The following TLL1 variants were observed in gnomAD, a reference collection of about 807,000 sequenced individuals.
TLL1 encodes the protein tolloid like 1.
Under a neutral mutation model 128.2 loss-of-function variants are expected in TLL1, and 49 were observed. The observed-to-expected ratio is 0.38, with a 90% CI of 0.30 to 0.48. TLL1 has a LOEUF of 0.48. Among genes scored for constraint, TLL1 ranks in the 20% least tolerant of loss-of-function variants. The pLI, the probability that TLL1 is intolerant of heterozygous loss-of-function variation, is 0.96. For synonymous variants in TLL1, 454 were observed against 418.8 expected, an observed-to-expected ratio of 1.08 and a Z score of -1.03; for missense variants, 1,123 against 1,242.0, an observed-to-expected ratio of 0.90 and a Z score of 1.44.
Position 166,043,281 on chromosome 4 carries a change from T to C in TLL1, c.1386T>C (p.Cys462=). 1 of 1,614,092 alleles carries C rather than the reference T, an allele frequency of 6.2e-7. No individual in the cohort carries two copies. The highest frequency in any genetic ancestry group is 8.5e-7 in the Non-Finnish European group (1 of 1,179,972). Residue 462 remains cysteine (C), a synonymous_variant, in exon 12 of 21, where the codon TGT becomes TGC. Transcript: ENST00000061240. ...TTTTTTGGCTTTCTTCAGCGATCTGTGGAGGTGAGATACGTAAAAATGAAG... is the reference window on the plus strand; with the variant it reads ...TTTTTTGGCTTTCTTCAGCGATCTGCGGAGGTGAGATACGTAAAAATGAAG... ...KGFAAVYEAI[C]GGEIRKNEGQ... is the part of the protein sequence containing the mutation.
intron 13 of TLL1, among the ~76,000 whole-genome samples, chr4:166,056,870 G>A (rs1740033590): frequency 6.6e-6 from 1 of 151,940 alleles, no homozygotes; most frequent in Non-Finnish European, 1.5e-5. Context: ...ATCCATCAGG[G>A]GCTTATACGT....
At chr4:166,034,560 G>A (rs1738911348) in intron 9 of TLL1, among the ~76,000 whole-genome samples, 3 of 152,104 alleles carry the variant, frequency 2.0e-5, no homozygotes, top group African/African-American at 7.2e-5. Context: ...ATGAAATGGA[G>A]AAGAGTAAAA....
At chr4:165,876,128 A>C (rs1730713277) in intron 1 of TLL1, among the ~76,000 whole-genome samples, 1 of 152,222 alleles carries the variant, frequency 6.6e-6, no homozygotes, top group Admixed American at 6.5e-5. Context: ...GGGAAATAAG[A>C]ATGGCCTAAG....
intron 10 of TLL1, 96 bp downstream of exon 10, chr4:166,039,537 A>G: frequency 1.2e-6 from 1 of 850,204 alleles, no homozygotes; most frequent in Non-Finnish European, 2.0e-6. Context: ...AGAGTTAAAA[A>G]TGTGTGTGAC....
chr4:165,952,449 A>G (rs948423524), intron 1 of TLL1, among the ~76,000 whole-genome samples: 1 of 152,156 alleles, frequency 6.6e-6, no homozygotes. Context: ...CAATGGTTTG[A>G]ATAGTTATGG....
chr4:166,096,208 TGG>T (rs1466068363), intron 19 of TLL1, among the ~76,000 whole-genome samples: 1 of 132,652 alleles, frequency 7.5e-6, no homozygotes, highest in South Asian at 2.4e-4. Flanking sequence ...AATTCTGTCA[TGG>T]GTGTGTGTGT....
intron 1 of TLL1, among the ~76,000 whole-genome samples, chr4:165,878,340 T>A (rs181533850): frequency 1.3e-5 from 2 of 152,270 alleles, no homozygotes; most frequent in East Asian, 3.9e-4. Context: ...TTCTTCTGTT[T>A]TAGTTTTCGT....
chr4:166,056,099 T>C (rs888256700), intron 13 of TLL1, among the ~76,000 whole-genome samples: 1 of 152,126 alleles, frequency 6.6e-6, no homozygotes, highest in Non-Finnish European at 1.5e-5. Context: ...TTATTCATCA[T>C]ATGAAATGAA....
rs1052727092 is a variant in TLL1 at position 165,907,610 on chromosome 4, A to G, written c.169+33537A>G. ...GTTGCCCAGGCTAGAGTGCAATGGC[A>G]TGATCTTGGCTCACCGCAACCTCTG... On this transcript the variant is annotated intron_variant, in intron 1 of 20. Transcript: ENST00000061240. 9.3e-5 allele frequency among the ~76,000 whole-genome samples: 14 copies of G among 149,942 alleles called. No homozygotes were observed. The East Asian group carries it at 2.4e-3, about 25-fold the overall frequency.
chr4:165,893,939 A>G (rs1343219700), intron 1 of TLL1, among the ~76,000 whole-genome samples: 1 of 152,212 alleles, frequency 6.6e-6, no homozygotes, highest in Non-Finnish European at 1.5e-5. Context: ...AGCCACCAAC[A>G]AATTGAAATT....
chr4:165,936,991 G>A (rs1368851123), intron 1 of TLL1, among the ~76,000 whole-genome samples: 9 of 151,968 alleles, frequency 5.9e-5, no homozygotes, highest in Admixed American at 5.9e-4. Flanking sequence ...TTCCACTTAG[G>A]TCTCTTTATT....
intron 1 of TLL1, among the ~76,000 whole-genome samples, chr4:165,948,335 C>G (rs1321545434): frequency 6.6e-6 from 1 of 151,982 alleles, no homozygotes; most frequent in Admixed American, 6.6e-5. Context: ...TTCAACTAAA[C>G]TAGATTTAGT....
At chr4:166,086,416 C>A (rs575630006) in intron 18 of TLL1, among the ~76,000 whole-genome samples, 2 of 152,084 alleles carry the variant, frequency 1.3e-5, no homozygotes, top group South Asian at 2.1e-4. Flanking sequence ...TTAAGTAGTA[C>A]TTTGCTGGTA....
chr4:165,923,146 G>A (rs1561030693), intron 1 of TLL1, among the ~76,000 whole-genome samples: 1 of 152,042 alleles, frequency 6.6e-6, no homozygotes, highest in Non-Finnish European at 1.5e-5. Context: ...TAAATAAACA[G>A]TACAATCATA....
rs186769392 is a variant in TLL1 at position 165,879,936 on chromosome 4, A to G, written c.169+5863A>G. Among the ~76,000 whole-genome samples the G allele has an allele frequency of 8.3e-4, 126 of 152,168 alleles. 1 individual carries two copies. The East Asian group carries it at 0.021, about 25-fold the overall frequency. On this transcript the variant is annotated intron_variant, in intron 1 of 20. Coordinates refer to ENST00000061240, the MANE Select transcript of TLL1 (RefSeq NM_012464.5). ...TTCCAGGATCTGGAATTAATTGTGG[A>G]CTTATCCTTCCTAAATTGAGGAGTG...
intron 18 of TLL1, among the ~76,000 whole-genome samples, chr4:166,085,118 C>A (rs2111150199): frequency 6.6e-6 from 1 of 151,780 alleles, no homozygotes; most frequent in East Asian, 1.9e-4. Context: ...TGATTTTTGC[C>A]TATTGATTTT....
At chr4:166,004,624 T>C (rs992338701) in intron 6 of TLL1, among the ~76,000 whole-genome samples, 2 of 152,088 alleles carry the variant, frequency 1.3e-5, no homozygotes, top group Non-Finnish European at 2.9e-5. Context: ...AATTTAGAAG[T>C]AAAGCAGAAG....
chr4:166,008,677 A>G (rs1737546898), intron 7 of TLL1, among the ~76,000 whole-genome samples: 1 of 151,588 alleles, frequency 6.6e-6, no homozygotes, highest in Admixed American at 6.6e-5. Context: ...GTTTTGATCT[A>G]CTTCATTCTA....
intron 1 of TLL1, among the ~76,000 whole-genome samples, chr4:165,925,372 A>C (rs115363154): frequency 0.016 from 2,481 of 152,284 alleles, 68 homozygotes; most frequent in African/African-American, 0.056. Flanking sequence ...ACTCATATGA[A>C]TTACTGTGAG....
Sources: allele counts gnomAD v4.1 joint callset (sites outside exome capture counted in the v4.1 genomes callset), GRCh38; gene constraint gnomAD v4.1.1; transcripts MANE v1.5; gene names NCBI Gene and HGNC (gene_info 2026-07-23, HGNC 2026-07-21).